The following GK5 variants were observed in gnomAD, a reference collection of about 807,000 sequenced individuals.
GK5 encodes ATP:glycerol 3-phosphotransferase 5.
In GK5, 39 loss-of-function variants were observed where a neutral mutation model predicts 77.3. That is an observed-to-expected ratio of 0.50 (90% CI 0.39 to 0.66). GK5 has a LOEUF of 0.66. Among genes scored for constraint, GK5 ranks in the 30% least tolerant of loss-of-function variants. The pLI, the probability that GK5 is intolerant of heterozygous loss-of-function variation, is 0.00. For synonymous variants in GK5, 211 were observed against 208.0 expected, an observed-to-expected ratio of 1.01 and a Z score of -0.13; for missense variants, 487 against 633.8, an observed-to-expected ratio of 0.77 and a Z score of 2.49.
At chr3:142,185,506 C>A in intron 9 of GK5, 1 of 997,388 alleles carries the variant, frequency 1.0e-6, no homozygotes, top group Non-Finnish European at 1.2e-6. Context: ...ATTAAATGTA[C>A]ATACAACTTT....
At chr3:142,181,100 C>T (rs1310448497) in intron 11 of GK5, among the ~76,000 whole-genome samples, 2 of 152,068 alleles carry the variant, frequency 1.3e-5, no homozygotes, top group East Asian at 3.9e-4. Context: ...GTCATTTGAT[C>T]GTAAAATACC....
At position 142,225,434 on chromosome 3, in the gene GK5, G is replaced by A. The variant is rs768815602; in HGVS notation, c.22C>T (p.Pro8Ser). Residue 8 changes from proline to serine, a missense_variant, in exon 1 of 16, where the codon CCG becomes TCG. Coordinates refer to ENST00000392993, the MANE Select transcript of GK5 (RefSeq NM_001039547.3). MSGLLTD[P>S]EQRAQEPRYP... ...CGCGGCTCCTGCGCTCTCTGCTCCGGGTCCGTGAGCAGCCCCGACATCCCG... is the reference window on the plus strand; with the variant it reads ...CGCGGCTCCTGCGCTCTCTGCTCCGAGTCCGTGAGCAGCCCCGACATCCCG... 1 of 1,603,152 alleles carries A rather than the reference G, an allele frequency of 6.2e-7. No homozygotes were observed. Among genetic ancestry groups the A allele is most frequent in the South Asian group, 1.1e-5 (1 of 89,512 alleles).
At chr3:142,205,844 A>G (rs1577141436) in intron 3 of GK5, among the ~76,000 whole-genome samples, 1 of 152,222 alleles carries the variant, frequency 6.6e-6, no homozygotes, top group East Asian at 1.9e-4. Flanking sequence ...AACCATCACC[A>G]CTGTTTTTAA....
At chr3:142,186,157 C>G in intron 8 of GK5, 37 bp downstream of exon 8, 1 of 1,327,234 alleles carries the variant, frequency 7.5e-7, no homozygotes, top group East Asian at 2.3e-5. Flanking sequence ...ATTCAAGAAC[C>G]ATTGTGCTGG....
chr3:142,196,095 T>C (rs1341761781), intron 5 of GK5, among the ~76,000 whole-genome samples: 1 of 152,178 alleles, frequency 6.6e-6, no homozygotes, highest in African/African-American at 2.4e-5. Context: ...TTTTATCTTG[T>C]TATCTAATTT....
chr3:142,208,916 G>A (rs1018857125), intron 3 of GK5, among the ~76,000 whole-genome samples: 7 of 152,176 alleles, frequency 4.6e-5, no homozygotes, highest in African/African-American at 9.7e-5. Flanking sequence ...TTAGGAGGCC[G>A]AGGAAGGCGG....
chr3:142,221,248 C>T (rs1179000815), intron 1 of GK5, among the ~76,000 whole-genome samples: 1 of 152,214 alleles, frequency 6.6e-6, no homozygotes, highest in Admixed American at 6.5e-5. Flanking sequence ...ATCTATTCTC[C>T]TTCTGTCAAT....
At position 142,159,851 on chromosome 3, in the gene GK5, C is replaced by CTTTTTTT. The variant is rs1342546449; in HGVS notation, c.*5770_*5771insAAAAAAA. The CTTTTTTT allele has an allele frequency of 1.6e-4, 14 of 86,990 alleles. No individual in the cohort carries two copies. The highest frequency in any genetic ancestry group is 1.8e-4 in the African/African-American group (4 of 22,172). 5.4% of individuals were successfully genotyped at this position (86,990 alleles called of 1,614,324 possible). A position where few individuals can be genotyped will look rare whatever the true frequency, so the allele number is the denominator to read the frequency against. The stretch of plus-strand genomic sequence containing the variant: ...GCTTTCTCTCTCTCTCTCTCTCTCT[C>CTTTTTTT]TCTTTTTTTTTTTTGAGACAGAGTC... On this transcript the variant is annotated 3_prime_UTR_variant, in exon 16 of 16. Transcript: ENST00000392993.
At chr3:142,196,345 T>C (rs552514169) in intron 5 of GK5, among the ~76,000 whole-genome samples, 1 of 152,126 alleles carries the variant, frequency 6.6e-6, no homozygotes. Flanking sequence ...TTCCTTCTGC[T>C]TGTTTTGAAT....
At chr3:142,208,332 T>A (rs969596111) in intron 3 of GK5, among the ~76,000 whole-genome samples, 1 of 152,232 alleles carries the variant, frequency 6.6e-6, no homozygotes, top group African/African-American at 2.4e-5. Context: ...TGTTAACTGC[T>A]TTTGATGTCA....
chr3:142,202,283 A>AC (rs2064036753), intron 4 of GK5, among the ~76,000 whole-genome samples: 1 of 152,176 alleles, frequency 6.6e-6, no homozygotes, highest in Non-Finnish European at 1.5e-5. Context: ...TAAGCGGAAG[A>AC]CCGGGCATCT....
At chr3:142,206,968 T>C (rs1414103303) in intron 3 of GK5, among the ~76,000 whole-genome samples, 2 of 152,208 alleles carry the variant, frequency 1.3e-5, no homozygotes, top group Non-Finnish European at 2.9e-5. Context: ...CCTGAAACTA[T>C]GGCTACAGAA....
intron 3 of GK5, among the ~76,000 whole-genome samples, chr3:142,205,571 A>C (rs545344790): frequency 2.6e-5 from 4 of 152,194 alleles, no homozygotes; most frequent in African/African-American, 7.2e-5. Context: ...CAGTTTTCTC[A>C]ATCTTACTCC....
chr3:142,207,144 A>T lies in GK5; in HGVS notation c.318-2356T>A, dbSNP rs969193820. On this transcript the variant is annotated intron_variant, in intron 3 of 15. Coordinates refer to ENST00000392993, the MANE Select transcript of GK5 (RefSeq NM_001039547.3). ...CAGTCAGGGAGGTTTCACATCACCA[A>T]GATTCCTATCCCAGAAAAGCAGATG... Among the ~76,000 whole-genome samples the T allele has an allele frequency of 1.1e-4, 17 of 152,346 alleles. No individual in the cohort carries two copies. The South Asian group carries it at 2.3e-3, about 20-fold the overall frequency.
intron 14 of GK5, 59 bp downstream of exon 14, chr3:142,171,360 A>G: frequency 7.2e-7 from 1 of 1,384,666 alleles, no homozygotes; most frequent in African/African-American, 1.5e-5. Context: ...GGTAGCTCAT[A>G]GCAGCTACCA....
At chr3:142,167,441 C>T (rs1222938844) in intron 15 of GK5, among the ~76,000 whole-genome samples, 2 of 151,820 alleles carry the variant, frequency 1.3e-5, no homozygotes, top group African/African-American at 2.4e-5. Flanking sequence ...AAAAGAAAAA[C>T]ATAGTTTTCA....
intron 3 of GK5, among the ~76,000 whole-genome samples, chr3:142,207,218 G>C (rs1288033384): frequency 1.3e-5 from 2 of 152,148 alleles, no homozygotes; most frequent in African/African-American, 4.8e-5. Flanking sequence ...GCCTATAAAC[G>C]GACGCATGAG....
In GK5 at chr3:142,164,432, A is replaced by G. The variant is rs983573556; in HGVS notation, c.*1190T>C. The G allele has an allele frequency of 1.3e-5, 2 of 152,212 alleles. No individual in the cohort carries two copies. Among genetic ancestry groups the G allele is most frequent in the African/African-American group, 4.8e-5 (2 of 41,454 alleles). The allele number at this position is 152,212 out of a possible 1,614,324, so 9.4% of individuals were successfully genotyped here. On this transcript the variant is annotated 3_prime_UTR_variant, in exon 16 of 16. Coordinates refer to ENST00000392993, the MANE Select transcript of GK5 (RefSeq NM_001039547.3). ...GGAAGGTGGGGTCAACTGCCTTAGG[A>G]CAATTCTACATCCAGCTTGACACTA...
intron 15 of GK5, among the ~76,000 whole-genome samples, chr3:142,169,454 T>C (rs188375988): frequency 3.2e-4 from 48 of 152,330 alleles, no homozygotes; most frequent in African/African-American, 1.1e-3. Flanking sequence ...AGAATGTTAT[T>C]AGGTTGGTTA....
Sources: allele counts gnomAD v4.1 joint callset (sites outside exome capture counted in the v4.1 genomes callset), GRCh38; gene constraint gnomAD v4.1.1; transcripts MANE v1.5; gene names NCBI Gene and HGNC (gene_info 2026-07-23, HGNC 2026-07-21).